Variants in IREB2 observed in about 807,000 individuals in gnomAD.
IREB2 encodes iron responsive element binding protein 2, also known as iron-responsive element-binding protein 2.
In IREB2, 39 loss-of-function variants were observed where a neutral mutation model predicts 118.8. The observed-to-expected ratio is 0.33, with a 90% confidence interval of 0.25 to 0.43. The LOEUF (loss-of-function observed/expected upper bound fraction) is 0.43, where lower values mean the gene tolerates loss of function less well. IREB2 is among the 20% of genes least tolerant of loss of function. The pLI is 1.00. For synonymous variants in IREB2, 372 were observed against 392.2 expected (o/e 0.95, Z 0.61); for missense variants, 900 against 1,147.3 (o/e 0.78, Z 3.11).
chr15:78,446,133 C>G (rs920754159), intron 2 of IREB2, among the ~76,000 whole-genome samples: 1 of 152,144 alleles, frequency 6.6e-6, no homozygotes, highest in Non-Finnish European at 1.5e-5. Context: ...AGTCTATTGC[C>G]GGTCTGGTGA....
chr15:78,459,781 A>C (rs767210393), intron 2 of IREB2, among the ~76,000 whole-genome samples: 26 of 151,954 alleles, frequency 1.7e-4, no homozygotes, highest in Non-Finnish European at 2.9e-4. Flanking sequence ...ACGTCTTTTA[A>C]GTTTCTTGTA....
chr15:78,476,141 T>G (rs750507613), intron 8 of IREB2, 47 bp from the exon 9 acceptor site: 5 of 1,410,408 alleles, frequency 3.5e-6, no homozygotes, highest in Non-Finnish European at 4.8e-6. Context: ...TCGTTGCTAA[T>G]CTTATCTTTG....
rs376481386 is a variant in IREB2 at position 78,486,145 on chromosome 15, G to A, written c.1709+305G>A. On this transcript the variant is annotated intron_variant, in intron 13 of 21. Transcript: ENST00000258886. ...AAATAACAGTTACAGTGTAAGAAAC[G>A]ATACCAAGTATGCACAATTTCTGTG... Among the ~76,000 whole-genome samples the A allele has an allele frequency of 1.3e-4, 20 of 152,292 alleles. No individual in the cohort carries two copies. The East Asian group carries it at 3.9e-3, about 29-fold the overall frequency.
chr15:78,444,814 T>G (rs1052229405), intron 2 of IREB2, among the ~76,000 whole-genome samples: 4 of 152,204 alleles, frequency 2.6e-5, no homozygotes, highest in African/African-American at 9.7e-5. Context: ...CAGGTATCCC[T>G]TGCTATCTGA....
At chr15:78,444,550 C>T (rs112084556) in intron 2 of IREB2, among the ~76,000 whole-genome samples, 112 of 151,986 alleles carry the variant, frequency 7.4e-4, no homozygotes, top group Non-Finnish European at 3.4e-4. Context: ...CCAGTAGAGC[C>T]GGGACTTAGT....
At chr15:78,491,054 C>T (rs2141524251) in intron 18 of IREB2, among the ~76,000 whole-genome samples, 1 of 152,200 alleles carries the variant, frequency 6.6e-6, no homozygotes, top group African/African-American at 2.4e-5. Context: ...TTCAGTGCTA[C>T]TTTATTGAAA....
At chr15:78,474,425 A>G (rs2051430246) in intron 8 of IREB2, 1 of 152,224 alleles carries the variant, frequency 6.6e-6, no homozygotes, top group African/African-American at 2.4e-5. Flanking sequence ...CAAGTAGTAA[A>G]TTGGGAATTG....
rs1596009134 is a variant in IREB2 at position 78,483,229 on chromosome 15, TACTC to T, written c.1297-88_1297-85del. ...GCATTAAAATAAATACGAATATACT[TACTC>T]TGCTTTAGAAAGTAATGCTTCAATT... is the stretch of plus-strand genomic sequence containing the variant. On this transcript the variant is annotated intron_variant, in intron 10 of 21. Coordinates refer to ENST00000258886, the MANE Select transcript of IREB2 (RefSeq NM_004136.4). 2.6e-5 allele frequency: 17 copies of T among 642,632 alleles called. No homozygotes were observed. The East Asian group carries it at 4.4e-4, about 17-fold the overall frequency. The allele number at this position is 642,632 out of a possible 1,614,324, so 39.8% of individuals were successfully genotyped here. A position where few individuals can be genotyped will look rare whatever the true frequency, so the allele number is the denominator to read the frequency against.
Position 78,488,775 on chromosome 15 carries a change from A to G in IREB2, c.2076+4A>G. On this transcript the variant is annotated splice_donor_region_variant and intron_variant, in intron 16 of 21. Coordinates refer to ENST00000258886, the MANE Select transcript of IREB2 (RefSeq NM_004136.4). ...AGCATTAAAAGATAAAATAGAAGTAAGAGTCTTATGTGTTTCTTAAATAGT... is the reference window on the plus strand; with the variant it reads ...AGCATTAAAAGATAAAATAGAAGTAGGAGTCTTATGTGTTTCTTAAATAGT... 1 of 1,458,808 alleles carries G rather than the reference A, an allele frequency of 6.9e-7. No individual in the cohort carries two copies. The highest frequency in any genetic ancestry group is 9.5e-7 in the Non-Finnish European group (1 of 1,048,436). The allele number at this position is 1,458,808 out of a possible 1,614,324, so 90.4% of individuals were successfully genotyped here.
chr15:78,488,738 AT>A lies in IREB2; in HGVS notation c.2044del (p.Ser682ProfsTer6). 6.5e-7 allele frequency: 1 copy of A among 1,548,570 alleles called. No homozygotes were observed. Among genetic ancestry groups the A allele is most frequent in the Non-Finnish European group, 8.9e-7 (1 of 1,122,770 alleles). ...GAGTAGAGGAAGAACATGTTATACT[AT>A]CCATGTTTAAAGCATTAAAAGATAA... ...HRVEEEHVIL[S>X]MFKALKDKIE... On this transcript the variant is annotated frameshift_variant, in exon 16 of 22. Transcript: ENST00000258886. LOFTEE classifies it high-confidence loss of function.
At chr15:78,476,580 A>G (rs912612822) in intron 9 of IREB2, 3 of 345,940 alleles carry the variant, frequency 8.7e-6, no homozygotes, top group Non-Finnish European at 1.1e-5. Context: ...GAATTATTCA[A>G]ACCATTGATC....
At chr15:78,442,529 G>A (rs1035027185) in intron 2 of IREB2, among the ~76,000 whole-genome samples, 1 of 152,136 alleles carries the variant, frequency 6.6e-6, no homozygotes, top group African/African-American at 2.4e-5. Context: ...TTAATGAAGG[G>A]AATGGATTCT....
intron 2 of IREB2, among the ~76,000 whole-genome samples, chr15:78,457,840 T>C (rs1396381714): frequency 3.9e-5 from 6 of 152,210 alleles, no homozygotes; most frequent in African/African-American, 1.4e-4. Flanking sequence ...AGGTTAATCT[T>C]GTATATAATT....
chr15:78,438,489 C>T, intron 1 of IREB2, 133 bp downstream of exon 1: 1 of 1,002,780 alleles, frequency 1.0e-6, no homozygotes, highest in Non-Finnish European at 1.5e-6. Context: ...GTGCTCCCCT[C>T]GGGGCCTGCC....
intron 2 of IREB2, among the ~76,000 whole-genome samples, chr15:78,448,166 A>G (rs1567162812): frequency 2.0e-5 from 3 of 152,238 alleles, no homozygotes; most frequent in Admixed American, 6.5e-5. Flanking sequence ...TTTATTTGAG[A>G]CAGAGTCTTG....
chr15:78,501,240 T>G lies in IREB2; in HGVS notation c.*3097T>G, dbSNP rs766824737. 6.6e-6 allele frequency: 1 copy of G among 152,484 alleles called. No homozygotes were observed. The highest frequency in any genetic ancestry group is 1.5e-5 in the Non-Finnish European group (1 of 68,020). The allele number at this position is 152,484 out of a possible 1,614,324, so 9.4% of individuals were successfully genotyped here. A position where few individuals can be genotyped will look rare whatever the true frequency, so the allele number is the denominator to read the frequency against. ...GTGGCTATGAAACCATATATCTCAC[T>G]TAAGTAACAAAGTAATCACTTTGTC... On this transcript the variant is annotated 3_prime_UTR_variant, in exon 22 of 22. Transcript: ENST00000258886.
rs1167835591 is a variant in IREB2 at position 78,500,643 on chromosome 15, G to A, written c.*2500G>A. ...TTCAAAGGTCACTACCAACAGCAGG[G>A]TTTTTTTTATACTTTGAAAACATTA... On this transcript the variant is annotated 3_prime_UTR_variant, in exon 22 of 22. Coordinates refer to ENST00000258886, the MANE Select transcript of IREB2 (RefSeq NM_004136.4). 1.3e-5 allele frequency: 2 copies of A among 151,542 alleles called. No individual in the cohort carries two copies. Among genetic ancestry groups the A allele is most frequent in the African/African-American group, 4.8e-5 (2 of 41,254 alleles). The allele number at this position is 151,542 out of a possible 1,614,324, so 9.4% of individuals were successfully genotyped here.
chr15:78,488,438 T>A (rs1349920466), intron 15 of IREB2, 102 bp downstream of exon 15: 1 of 1,096,090 alleles, frequency 9.1e-7, no homozygotes, highest in Non-Finnish European at 1.3e-6. Flanking sequence ...TTTGAATTAT[T>A]TCAGGAAGAC....
At position 78,497,036 on chromosome 15, in the gene IREB2, A is replaced by G; in HGVS notation, c.2596-90A>G. ...GATATTAGACTAAAAGTATTTAGAGAAAGGCCAAAGTAGATTTTTGCCCCC... is the reference window on the plus strand; with the variant it reads ...GATATTAGACTAAAAGTATTTAGAGGAAGGCCAAAGTAGATTTTTGCCCCC... On this transcript the variant is annotated intron_variant, in intron 20 of 21. Transcript: ENST00000258886. The G allele has an allele frequency of 3.4e-6, 3 of 886,800 alleles. No individual in the cohort carries two copies. In the South Asian group the frequency reaches 4.7e-5, roughly 14 times the overall value. 54.9% of individuals were successfully genotyped at this position (886,800 alleles called of 1,614,324 possible). A position where few individuals can be genotyped will look rare whatever the true frequency, so the allele number is the denominator to read the frequency against.
Sources: allele counts gnomAD v4.1 joint callset (sites outside exome capture counted in the v4.1 genomes callset), GRCh38; gene constraint gnomAD v4.1.1; transcripts MANE v1.5; gene names NCBI Gene and HGNC (gene_info 2026-07-23, HGNC 2026-07-21).